NAALADL2: variants seen among roughly 807,000 people sequenced by gnomAD.
The protein encoded by NAALADL2 is N-acetylated alpha-linked acidic dipeptidase like 2.
Under a neutral mutation model 87.2 loss-of-function variants are expected in NAALADL2, and 76 were observed. The ratio of observed to expected loss-of-function variants is 0.87; its 90% CI spans 0.72 to 1.05. The LOEUF (loss-of-function observed/expected upper bound fraction) is 1.05. Ranked by LOEUF, NAALADL2 falls within the 50% of genes least tolerant of loss-of-function variation. The probability of loss-of-function intolerance (pLI) is 0.00; values close to 1 mark genes in which losing one functional copy is unlikely to be tolerated. For synonymous variants in NAALADL2, 354 were observed against 331.0 expected (o/e 1.07, Z -0.75); for missense variants, 1,089 against 945.8 (o/e 1.15, Z -1.99).
At chr3:174,626,946 T>A (rs1232882660) in intron 2 of NAALADL2, among the ~76,000 whole-genome samples, 1 of 152,098 alleles carries the variant, frequency 6.6e-6, no homozygotes, top group Admixed American at 6.5e-5. Context: ...GTGGATAGTT[T>A]ACAAAGATGA....
intron 11 of NAALADL2, among the ~76,000 whole-genome samples, chr3:175,644,389 AT>A (rs1446350323): frequency 2.6e-5 from 4 of 151,784 alleles, no homozygotes; most frequent in South Asian, 2.1e-4. Flanking sequence ...CATCTTTATA[AT>A]TTTTTTCACA....
intron 1 of NAALADL2, among the ~76,000 whole-genome samples, chr3:174,534,847 C>T (rs73172555): frequency 0.039 from 6,009 of 152,128 alleles, 168 homozygotes; most frequent in Non-Finnish European, 0.057. Context: ...TTTGGGAAGC[C>T]GACAGTGTTT....
intron 1 of NAALADL2, among the ~76,000 whole-genome samples, chr3:174,952,808 A>G (rs540742091): frequency 6.6e-6 from 1 of 152,256 alleles, no homozygotes; most frequent in Non-Finnish European, 1.5e-5. Flanking sequence ...TTGGATGATG[A>G]GTAGGGCAAC....
At chr3:175,045,321 A>G (rs977911554) in intron 1 of NAALADL2, among the ~76,000 whole-genome samples, 2 of 151,932 alleles carry the variant, frequency 1.3e-5, no homozygotes, top group Non-Finnish European at 2.9e-5. Flanking sequence ...CTTCTCCTCC[A>G]TTATCTTTGT....
chr3:174,543,758 A>G (rs1722477371), intron 1 of NAALADL2, among the ~76,000 whole-genome samples: 2 of 152,172 alleles, frequency 1.3e-5, no homozygotes, highest in South Asian at 4.1e-4. Flanking sequence ...CTGTAATCCC[A>G]GCACTTTGGG....
intron 9 of NAALADL2, among the ~76,000 whole-genome samples, chr3:175,523,711 C>G (rs116698472): frequency 6.6e-6 from 1 of 152,114 alleles, no homozygotes; most frequent in African/African-American, 2.4e-5. Context: ...AGGGTTAGAC[C>G]GCACAGGCAA....
At chr3:174,813,451 G>A (rs935213429) in intron 3 of NAALADL2, among the ~76,000 whole-genome samples, 1 of 152,070 alleles carries the variant, frequency 6.6e-6, no homozygotes, top group Non-Finnish European at 1.5e-5. Flanking sequence ...AATTGCCTAT[G>A]TATTCAGTAT....
At chr3:175,478,198 T>C (rs1432255827) in intron 9 of NAALADL2, among the ~76,000 whole-genome samples, 1 of 151,964 alleles carries the variant, frequency 6.6e-6, no homozygotes, top group African/African-American at 2.4e-5. Flanking sequence ...AATTCTTTTC[T>C]GGGGGTACTC....
intron 9 of NAALADL2, among the ~76,000 whole-genome samples, chr3:175,574,251 T>C (rs1385346205): frequency 6.6e-6 from 1 of 152,182 alleles, no homozygotes; most frequent in Non-Finnish European, 1.5e-5. Flanking sequence ...AACAACCATC[T>C]GCAGACTAGG....
intron 5 of NAALADL2, among the ~76,000 whole-genome samples, chr3:175,336,587 A>G (rs1461888552): frequency 1.3e-5 from 2 of 152,260 alleles, no homozygotes; most frequent in Non-Finnish European, 2.9e-5. Flanking sequence ...GGCAAAGTAT[A>G]CACCTGCAGG....
At chr3:174,756,889 C>A (rs1349905084) in intron 3 of NAALADL2, among the ~76,000 whole-genome samples, 1 of 152,126 alleles carries the variant, frequency 6.6e-6, no homozygotes, top group Admixed American at 6.5e-5. Flanking sequence ...TGAAAAACTT[C>A]TTTCTCCATT....
chr3:174,494,367 A>T (rs1204461544), intron 1 of NAALADL2, among the ~76,000 whole-genome samples: 1 of 151,718 alleles, frequency 6.6e-6, no homozygotes, highest in African/African-American at 2.4e-5. Context: ...GAGCAGCTAG[A>T]AGTAGGGGGA....
intron 1 of NAALADL2, among the ~76,000 whole-genome samples, chr3:175,080,789 G>A (rs1218973659): frequency 6.6e-6 from 1 of 152,140 alleles, no homozygotes; most frequent in Admixed American, 6.6e-5. Flanking sequence ...TATCTTCTAT[G>A]CAGTAAATCT....
At chr3:175,100,763 C>T (rs1261291508) in intron 2 of NAALADL2, among the ~76,000 whole-genome samples, 1 of 145,320 alleles carries the variant, frequency 6.9e-6, no homozygotes, top group Non-Finnish European at 1.5e-5. Flanking sequence ...CGCTTGAACT[C>T]GGGAGGCGGA....
At chr3:175,377,243 C>T (rs2862013) in intron 5 of NAALADL2, among the ~76,000 whole-genome samples, 87,859 of 151,890 alleles carry the variant, frequency 0.58, 26,078 homozygotes, top group African/African-American at 0.71. Context: ...ACCCAGGAGG[C>T]AGAGGATGCA....
chr3:175,102,286 C>A (rs539270890), intron 2 of NAALADL2, among the ~76,000 whole-genome samples: 3 of 152,220 alleles, frequency 2.0e-5, no homozygotes, highest in East Asian at 3.9e-4. Flanking sequence ...TCAAGGAGTT[C>A]CAATTTGTGT....
intron 1 of NAALADL2, among the ~76,000 whole-genome samples, chr3:174,544,588 GAC>G (rs1467056075): frequency 5.3e-5 from 6 of 112,888 alleles, no homozygotes; most frequent in African/African-American, 1.8e-4. Flanking sequence ...TTTTTTTTGA[GAC>G]AGAGTCTCAC....
chr3:175,613,792 C>T (rs1444105582), intron 10 of NAALADL2, among the ~76,000 whole-genome samples: 2 of 152,142 alleles, frequency 1.3e-5, no homozygotes, highest in African/African-American at 4.8e-5. Flanking sequence ...CAGGATTTTT[C>T]TGAGGGTTAA....
intron 5 of NAALADL2, among the ~76,000 whole-genome samples, chr3:175,368,310 A>G (rs997571768): frequency 3.9e-5 from 6 of 152,026 alleles, no homozygotes; most frequent in Non-Finnish European, 7.4e-5. Context: ...TATTGGTCTA[A>G]AATTCTCTTT....
Sources: gnomAD v4.1 joint callset for allele counts (sites outside exome capture counted in the v4.1 genomes callset) on GRCh38, gnomAD v4.1.1 for gene constraint, MANE v1.5 for transcripts, NCBI Gene and HGNC (gene_info 2026-07-23, HGNC 2026-07-21) for gene names.